The following GLIS3 variants were observed in gnomAD, a reference collection of about 807,000 sequenced individuals.
GLIS3 encodes the protein zinc finger protein GLIS3.
A neutral mutation model predicts 78.6 loss-of-function variants in GLIS3; 53 were observed. The ratio of observed to expected loss-of-function variants is 0.67; its 90% CI spans 0.54 to 0.85. The LOEUF (loss-of-function observed/expected upper bound fraction) is 0.85. Ranked by LOEUF, GLIS3 falls within the 40% of genes least tolerant of loss-of-function variation. The pLI is 0.00. For synonymous variants in GLIS3, 684 were observed against 509.9 expected (o/e 1.34, Z -4.60); for missense variants, 1,703 against 1,231.1 (o/e 1.38, Z -5.74).
chr9:4,114,108 C>T (rs1831436405), intron 4 of GLIS3, among the ~76,000 whole-genome samples: 1 of 152,160 alleles, frequency 6.6e-6, no homozygotes, highest in Non-Finnish European at 1.5e-5. Context: ...ATCAGTGTTT[C>T]TGATCCTAGC....
Position 3,834,651 on chromosome 9 carries a change from A to T in GLIS3, c.2474-5159T>A, listed in dbSNP as rs114795786. 4.4e-3 allele frequency among the ~76,000 whole-genome samples: 664 copies of T among 152,316 alleles called. 4 individuals are homozygous for T. The highest frequency in any genetic ancestry group is 0.015 in the African/African-American group (619 of 41,572). On this transcript the variant is annotated intron_variant, in intron 9 of 10. Transcript: ENST00000381971. ...CCCAAGTTTAAATAAAGCAACATGA[A>T]TAATCTTAGGCTCCTGGCCTTCAAG...
chr9:4,466,237 T>G, the GLIS3 span, among the ~76,000 whole-genome samples: 1 of 152,174 alleles, frequency 6.6e-6, no homozygotes, highest in African/African-American at 2.4e-5. Flanking sequence ...AGACACAAAT[T>G]ACTGAAATTG....
chr9:4,336,647 G>A (rs372201645), intron 2 of GLIS3, among the ~76,000 whole-genome samples: 15 of 152,190 alleles, frequency 9.9e-5, no homozygotes, highest in African/African-American at 2.9e-4. Context: ...CAGAACTAGG[G>A]TTTAGACCCA....
At position 4,243,727 on chromosome 9, in the gene GLIS3, T is replaced by C. The variant is rs372641342; in HGVS notation, c.388+42311A>G. On this transcript the variant is annotated intron_variant, in intron 2 of 10. Transcript: ENST00000381971. ...CTCCCTGGCAGTTTTCTTAAAATAGTGTAGCCTCTCATCTGCCTGGAATGG... is the reference window on the plus strand; with the variant it reads ...CTCCCTGGCAGTTTTCTTAAAATAGCGTAGCCTCTCATCTGCCTGGAATGG... Among the ~76,000 whole-genome samples the C allele has an allele frequency of 5.9e-5, 9 of 152,290 alleles. No homozygotes were observed. In the South Asian group the frequency reaches 1.0e-3, roughly 18 times the overall value.
At chr9:3,967,490 G>A (rs1046488909) in intron 4 of GLIS3, among the ~76,000 whole-genome samples, 1 of 151,940 alleles carries the variant, frequency 6.6e-6, no homozygotes, top group Non-Finnish European at 1.5e-5. Context: ...GCAATAGAGC[G>A]AGACTCCACC....
intron 1 of GLIS3, among the ~76,000 whole-genome samples, chr9:4,288,306 G>A (rs1002109476): frequency 1.1e-4 from 16 of 152,082 alleles, no homozygotes; most frequent in East Asian, 3.8e-4. Flanking sequence ...AAGAAAGCAC[G>A]TATTCAGCAG....
the GLIS3 span, among the ~76,000 whole-genome samples, chr9:4,429,561 C>G: frequency 1.3e-5 from 2 of 152,186 alleles, no homozygotes; most frequent in Admixed American, 6.5e-5. Context: ...CACATGTTCT[C>G]TTAATGCTAA....
At chr9:4,128,040 A>AT (rs1832708130) in intron 2 of GLIS3, among the ~76,000 whole-genome samples, 1 of 152,228 alleles carries the variant, frequency 6.6e-6, no homozygotes, top group South Asian at 2.1e-4. Context: ...TGATGTCCAG[A>AT]TTTCAGAGAT....
chr9:3,853,497 A>C (rs1819566753), intron 9 of GLIS3, among the ~76,000 whole-genome samples: 1 of 152,172 alleles, frequency 6.6e-6, no homozygotes, highest in Non-Finnish European at 1.5e-5. Context: ...CAAAGAGTCT[A>C]ATTTTTTAAA....
intron 4 of GLIS3, among the ~76,000 whole-genome samples, chr9:4,051,279 T>C (rs1311640861): frequency 6.6e-6 from 1 of 152,138 alleles, no homozygotes; most frequent in Non-Finnish European, 1.5e-5. Context: ...GGTAGAAAAG[T>C]ATCTGAAGGA....
chr9:4,260,036 G>C (rs942614472), intron 2 of GLIS3, among the ~76,000 whole-genome samples: 2 of 152,166 alleles, frequency 1.3e-5, no homozygotes, highest in Admixed American at 6.5e-5. Flanking sequence ...AGAAAGGAAA[G>C]AGAATTAGGT....
chr9:4,051,341 G>C (rs1825733919), intron 4 of GLIS3, among the ~76,000 whole-genome samples: 1 of 152,216 alleles, frequency 6.6e-6, no homozygotes, highest in African/African-American at 2.4e-5. Flanking sequence ...CCACTTACAA[G>C]TGGTTAGGTA....
chr9:4,213,496 C>T (rs536002322), intron 2 of GLIS3, among the ~76,000 whole-genome samples: 1 of 152,240 alleles, frequency 6.6e-6, no homozygotes, highest in Non-Finnish European at 1.5e-5. Context: ...GCACTCTCCA[C>T]TATGGTTGCC....
At chr9:4,073,564 A>G (rs1474839432) in intron 4 of GLIS3, among the ~76,000 whole-genome samples, 2 of 152,202 alleles carry the variant, frequency 1.3e-5, no homozygotes, top group African/African-American at 2.4e-5. Flanking sequence ...TACAACGCAC[A>G]GCTGCAAAGC....
At chr9:4,397,087 G>T in the GLIS3 span, among the ~76,000 whole-genome samples, 3 of 137,202 alleles carry the variant, frequency 2.2e-5, no homozygotes, top group African/African-American at 8.8e-5. Flanking sequence ...GTGCAGTGGC[G>T]CGATCTTGGC....
chr9:4,442,909 A>T, the GLIS3 span, among the ~76,000 whole-genome samples: 1 of 151,976 alleles, frequency 6.6e-6, no homozygotes, highest in South Asian at 2.1e-4. Context: ...TCATAAGAAG[A>T]GTTTAGAGAT....
chr9:4,166,960 T>A (rs535732712), intron 2 of GLIS3, among the ~76,000 whole-genome samples: 1 of 152,214 alleles, frequency 6.6e-6, no homozygotes, highest in Non-Finnish European at 1.5e-5. Context: ...CGTGTGTTCC[T>A]GTTTGCGAAC....
chr9:4,191,523 T>G (rs997612494), intron 2 of GLIS3, among the ~76,000 whole-genome samples: 3 of 152,242 alleles, frequency 2.0e-5, no homozygotes, highest in African/African-American at 7.2e-5. Context: ...CATATCCTAT[T>G]ACCAAGAAAG....
intron 8 of GLIS3, among the ~76,000 whole-genome samples, chr9:3,863,616 C>T (rs1488449921): frequency 2.0e-5 from 3 of 152,226 alleles, no homozygotes; most frequent in Admixed American, 1.3e-4. Context: ...CCTGAACCTA[C>T]ACTGAGCATG....
Sources: allele counts gnomAD v4.1 joint callset (sites outside exome capture counted in the v4.1 genomes callset), GRCh38; gene constraint gnomAD v4.1.1; transcripts MANE v1.5; gene names NCBI Gene and HGNC (gene_info 2026-07-23, HGNC 2026-07-21).